The following MDM2 variants were observed in gnomAD, a reference collection of about 807,000 sequenced individuals.
MDM2 encodes the protein E3 ubiquitin-protein ligase Mdm2.
A neutral mutation model predicts 64.3 loss-of-function variants in MDM2; 11 were observed. That is an observed-to-expected ratio of 0.17 (90% CI 0.11 to 0.28). The LOEUF (loss-of-function observed/expected upper bound fraction) is 0.28. Ranked by LOEUF, MDM2 falls within the 10% of genes least tolerant of loss-of-function variation. The pLI is 1.00. For missense variants in MDM2, 388 were observed against 577.1 expected (o/e 0.67, Z 3.36); for synonymous variants, 194 against 192.9 (o/e 1.01, Z -0.05).
chr12:68,833,265 T>C (rs1163917718), intron 8 of MDM2, among the ~76,000 whole-genome samples: 1 of 52,518 alleles, frequency 1.9e-5, no homozygotes, highest in Non-Finnish European at 4.7e-5. Flanking sequence ...ATTTATATAA[T>C]TATATATTTA....
intron 2 of MDM2, among the ~76,000 whole-genome samples, chr12:68,809,729 G>C (rs1451217249): frequency 1.3e-5 from 2 of 152,090 alleles, no homozygotes; most frequent in African/African-American, 4.8e-5. Context: ...TTTTTTGTGT[G>C]CGTACCCACA....
At chr12:68,830,335 A>C (rs962303868) in intron 8 of MDM2, among the ~76,000 whole-genome samples, 1 of 152,166 alleles carries the variant, frequency 6.6e-6, no homozygotes, top group African/African-American at 2.4e-5. Context: ...CTTCCAAAGC[A>C]GTGATTGTAT....
chr12:68,848,066 T>TTACA (rs1338743254), downstream of MDM2: 3 of 152,302 alleles, frequency 2.0e-5, no homozygotes, highest in East Asian at 5.8e-4. Flanking sequence ...GAGTCCAATG[T>TTACA]TACAATGAGC....
intron 7 of MDM2, among the ~76,000 whole-genome samples, chr12:68,827,167 A>C (rs1230451790): frequency 6.6e-6 from 1 of 152,176 alleles, no homozygotes; most frequent in Non-Finnish European, 1.5e-5. Context: ...GACAAGAGTG[A>C]GACTTTGTCT....
At chr12:68,849,584 A>G (rs550986331), downstream of MDM2, 1 of 151,672 alleles carries the variant, frequency 6.6e-6, no homozygotes, top group African/African-American at 2.4e-5. Flanking sequence ...AATTTTTTGT[A>G]TTTTTAGTAG....
In MDM2 at chr12:68,839,278, A is replaced by G; in HGVS notation, c.923A>G (p.Tyr308Cys). Reference sequence around the variant, plus strand: ...GTGTGTCTTATTTCATTGAAGGACTATTGGAAATGCACTTCATGCAATGAA... The same window carrying G: ...GTGTGTCTTATTTCATTGAAGGACTGTTGGAAATGCACTTCATGCAATGAA... ...EEDPEISLADYWKCTSCNEMN... is the reference protein window; with the variant it reads ...EEDPEISLADCWKCTSCNEMN... Residue 308 changes from tyrosine to cysteine, a missense_variant, in exon 11 of 11, where the codon TAT becomes TGT. This residue lies in a region of MDM2 where 168 missense variants were observed against 236.6 expected (regional missense o/e 0.71). Coordinates refer to ENST00000258149, the MANE Select transcript of MDM2 (RefSeq NM_002392.6). The G allele has an allele frequency of 6.2e-7, 1 of 1,611,400 alleles. No individual in the cohort carries two copies. Among genetic ancestry groups the G allele is most frequent in the Middle Eastern group, 1.7e-4 (1 of 6,046 alleles).
chr12:68,824,555 G>A lies in MDM2; in HGVS notation c.427G>A (p.Asp143Asn). The A allele has an allele frequency of 6.2e-7, 1 of 1,612,694 alleles. No individual in the cohort carries two copies. The highest frequency in any genetic ancestry group is 1.1e-5 in the South Asian group (1 of 90,800). Residue 143 changes from aspartate to asparagine, a missense_variant and splice_region_variant, in exon 7 of 11, where the codon GAC (aspartate) becomes AAC (asparagine). Transcript: ENST00000258149. ...CHLEGGSDQK[D>N]LVQELQEEKP... ...TTTTATTTTTTTCCTAAATGCTTAG[G>A]ACCTTGTACAAGAGCTTCAGGAAGA...
chr12:68,815,716 T>C, intron 3 of MDM2: 1 of 368,404 alleles, frequency 2.7e-6, no homozygotes, highest in Non-Finnish European at 5.5e-6. Flanking sequence ...GTGCTAGATT[T>C]ACAGGTGTGA....
chr12:68,811,065 A>G (rs1053736967), intron 2 of MDM2, among the ~76,000 whole-genome samples: 3 of 151,070 alleles, frequency 2.0e-5, no homozygotes, highest in African/African-American at 7.3e-5. Flanking sequence ...GGGTTTTTCC[A>G]TGTTGGTCAG....
intron 5 of MDM2, among the ~76,000 whole-genome samples, chr12:68,821,446 G>A (rs557850283): frequency 6.6e-6 from 1 of 152,310 alleles, no homozygotes; most frequent in South Asian, 2.1e-4. Context: ...TCTTAGGCCA[G>A]GTGTGATGGC....
At chr12:68,820,585 AT>A (rs1276630919) in intron 5 of MDM2, among the ~76,000 whole-genome samples, 6 of 152,228 alleles carry the variant, frequency 3.9e-5, no homozygotes, top group Non-Finnish European at 7.3e-5. Flanking sequence ...TGTTAGATCA[AT>A]TTAGACTTGG....
Position 68,839,899 on chromosome 12 carries a change from A to G in MDM2, c.*50A>G, listed in dbSNP as rs768757236. On this transcript the variant is annotated 3_prime_UTR_variant, in exon 11 of 11. Transcript: ENST00000258149. The stretch of plus-strand genomic sequence containing the variant: ...ATATTTCTAACTATATAACCCTAGG[A>G]ATTTAGACAACCTGAAATTTATTCA... 2 of 1,500,892 alleles carry G rather than the reference A, an allele frequency of 1.3e-6. No individual in the cohort carries two copies. The highest frequency in any genetic ancestry group is 4.7e-5 in the East Asian group (2 of 42,554). The allele number at this position is 1,500,892 out of a possible 1,614,324, so 93.0% of individuals were successfully genotyped here.
intron 2 of MDM2, among the ~76,000 whole-genome samples, chr12:68,810,490 C>T (rs1565731385): frequency 6.6e-6 from 1 of 151,690 alleles, no homozygotes; most frequent in Non-Finnish European, 1.5e-5. Flanking sequence ...GAGGCGGAGT[C>T]TTGCTCTGTC....
In MDM2 at chr12:68,840,107, T is replaced by G. The variant is rs1883637084; in HGVS notation, c.*258T>G. The G allele has an allele frequency of 3.2e-6, 1 of 313,506 alleles. No homozygotes were observed. The highest frequency in any genetic ancestry group is 5.2e-5 in the East Asian group (1 of 19,124). 19.4% of individuals were successfully genotyped at this position (313,506 alleles called of 1,614,324 possible). A position where few individuals can be genotyped will look rare whatever the true frequency, so the allele number is the denominator to read the frequency against. On this transcript the variant is annotated 3_prime_UTR_variant, in exon 11 of 11. Transcript: ENST00000258149. ...TCTGTCTTAAATGAGAAGTACTTGGTTTTTTTTTTTCTTAAATATGTATAT... is the reference window on the plus strand; with the variant it reads ...TCTGTCTTAAATGAGAAGTACTTGGGTTTTTTTTTTCTTAAATATGTATAT...
chr12:68,832,228 TAAAGG>T (rs925146874), intron 8 of MDM2, among the ~76,000 whole-genome samples: 1 of 152,208 alleles, frequency 6.6e-6, no homozygotes, highest in Admixed American at 6.5e-5. Context: ...TGAAGGGAGT[TAAAGG>T]AAAGTGCATT....
downstream of MDM2, chr12:68,848,775 T>G (rs1262501896): frequency 1.3e-5 from 2 of 152,232 alleles, no homozygotes; most frequent in Middle Eastern, 3.4e-3. Context: ...TGTAGTGGCA[T>G]GATCTCGGCT....
chr12:68,828,894 G>C lies in MDM2; in HGVS notation c.647G>C (p.Ser216Thr), dbSNP rs1270017676. 2 of 1,614,028 alleles carry C rather than the reference G, an allele frequency of 1.2e-6. No individual in the cohort carries two copies. The highest frequency in any genetic ancestry group is 1.7e-5 in the Admixed American group (1 of 60,010). ...CVIREICCER[S>T]SSSESTGTPS... ...ATAAGGGAGATATGTTGTGAAAGAA[G>C]CAGTAGCAGTGAATCTACAGGGACG... is the stretch of plus-strand genomic sequence containing the variant. The change falls in exon 8 of 11, where the codon AGC becomes ACC. Residue 216 changes from serine to threonine, a missense_variant. Transcript: ENST00000258149.
At position 68,829,765 on chromosome 12, in the gene MDM2, C is replaced by CAAA. The variant is rs10658881; in HGVS notation, c.684+850_684+852dup. Among the ~76,000 whole-genome samples, 8 of 104,904 alleles carry CAAA rather than the reference C, an allele frequency of 7.6e-5. 1 individual carries two copies. The highest frequency in any genetic ancestry group is 2.9e-4 in the East Asian group (1 of 3,484). The allele number at this position is 104,904 out of a possible 152,430, so 68.8% of individuals were successfully genotyped here. A position where few individuals can be genotyped will look rare whatever the true frequency, so the allele number is the denominator to read the frequency against. ...TGGGTGACAGAGCGAGACTCCATCT[C>CAAA]AAAAAAAAAAAAAAAAAATGCAGGT... On this transcript the variant is annotated intron_variant, in intron 8 of 10. Coordinates refer to ENST00000258149, the MANE Select transcript of MDM2 (RefSeq NM_002392.6).
chr12:68,818,169 A>G (rs893746516), intron 4 of MDM2, among the ~76,000 whole-genome samples: 2 of 152,184 alleles, frequency 1.3e-5, no homozygotes, highest in African/African-American at 2.4e-5. Context: ...TTACATTAAT[A>G]AATGGAATGA....
Sources: gnomAD v4.1 joint callset for allele counts (sites outside exome capture counted in the v4.1 genomes callset) on GRCh38, gnomAD v4.1.1 for gene constraint, gnomAD v4.1.1 regional missense constraint, MANE v1.5 for transcripts, NCBI Gene and HGNC (gene_info 2026-07-23, HGNC 2026-07-21) for gene names.